Variants in PDCD6 observed in about 807,000 individuals in gnomAD.
The protein encoded by PDCD6 is programmed cell death protein 6.
In PDCD6, 12 loss-of-function variants were observed where a neutral mutation model predicts 28.3. The ratio of observed to expected loss-of-function variants is 0.42; its 90% CI spans 0.27 to 0.69. The LOEUF (loss-of-function observed/expected upper bound fraction) is 0.69. Among genes scored for constraint, PDCD6 ranks in the 30% least tolerant of loss-of-function variants. The pLI, the probability that PDCD6 is intolerant of heterozygous loss-of-function variation, is 0.22. For missense variants in PDCD6, 226 were observed against 269.9 expected, an observed-to-expected ratio of 0.84 and a Z score of 1.14; for synonymous variants, 92 against 108.0, an observed-to-expected ratio of 0.85 and a Z score of 0.92.
intron 2 of PDCD6, among the ~76,000 whole-genome samples, chr5:277,741 C>T (rs1453654948): frequency 2.0e-5 from 3 of 151,842 alleles, no homozygotes; most frequent in Non-Finnish European, 4.4e-5. Context: ...CATGGTGAAA[C>T]CCTATCTCTA....
At chr5:301,408 C>A (rs1483154639) in intron 2 of PDCD6, among the ~76,000 whole-genome samples, 1 of 152,206 alleles carries the variant, frequency 6.6e-6, no homozygotes, top group Non-Finnish European at 1.5e-5. Flanking sequence ...CTTTCTTTGC[C>A]TTGTGGGTTT....
chr5:289,746 C>T (rs1480106639), intron 2 of PDCD6: 21 of 888,508 alleles, frequency 2.4e-5, no homozygotes, highest in African/African-American at 1.1e-4. Context: ...TGCTGTCAGG[C>T]GACCCATTTG....
At chr5:273,703 TG>T (rs1737992578) in intron 2 of PDCD6, among the ~76,000 whole-genome samples, 1 of 152,078 alleles carries the variant, frequency 6.6e-6, no homozygotes, top group South Asian at 2.1e-4. Context: ...GGGGGGGTGC[TG>T]GATTCAGCCT....
At chr5:312,264 C>T (rs988371213) in intron 5 of PDCD6, 3 of 152,118 alleles carry the variant, frequency 2.0e-5, no homozygotes, top group African/African-American at 4.8e-5. Flanking sequence ...TCAGGGGACC[C>T]GCCTGGGAGC....
chr5:314,704 G>T lies in PDCD6; in HGVS notation c.*189G>T, dbSNP rs759980982. 2.5e-4 allele frequency: 167 copies of T among 676,986 alleles called. No homozygotes were observed. The highest frequency in any genetic ancestry group is 4.7e-4 in the Middle Eastern group (2 of 4,256). The allele number at this position is 676,986 out of a possible 1,614,324, so 41.9% of individuals were successfully genotyped here. ...TTGCAACTGTAATAGTAGCTGTATC[G>T]TTCTAATGCAGACATTGGATTTGGT... On this transcript the variant is annotated 3_prime_UTR_variant, in exon 6 of 6. Transcript: ENST00000264933.
chr5:279,414 G>T (rs1328583603), intron 2 of PDCD6, among the ~76,000 whole-genome samples: 1 of 151,956 alleles, frequency 6.6e-6, no homozygotes, highest in African/African-American at 2.4e-5. Flanking sequence ...AGGGAACGGC[G>T]GCTCTGGCTG....
chr5:314,250 G>A (rs951571677), intron 5 of PDCD6, among the ~76,000 whole-genome samples, 167 bp from the exon 6 acceptor site: 12 of 152,170 alleles, frequency 7.9e-5, no homozygotes, highest in African/African-American at 1.2e-4. Flanking sequence ...CACTCCCACC[G>A]TCCGTGTGAA....
intron 2 of PDCD6, among the ~76,000 whole-genome samples, chr5:273,966 G>A (rs28736753): frequency 0.24 from 35,146 of 146,728 alleles, 6,473 homozygotes; most frequent in African/African-American, 0.52. Context: ...ATCTCAGTTC[G>A]TTTTTACTCG....
intron 2 of PDCD6, among the ~76,000 whole-genome samples, chr5:274,788 G>A (rs574301107): frequency 3.7e-4 from 56 of 152,294 alleles, no homozygotes; most frequent in East Asian, 3.7e-3. Context: ...ACCAGAGGGA[G>A]TTAGTCCTGC....
At chr5:273,501 T>C (rs914944731) in intron 2 of PDCD6, 1 of 152,632 alleles carries the variant, frequency 6.6e-6, no homozygotes, top group African/African-American at 2.4e-5. Flanking sequence ...GCAGTCATCT[T>C]TTCTGATTCT....
intron 2 of PDCD6, among the ~76,000 whole-genome samples, chr5:295,214 T>TA (rs376736858): frequency 0.14 from 16,604 of 116,090 alleles, 2,900 homozygotes; most frequent in African/African-American, 0.45. Context: ...ACTCTTAAAA[T>TA]AAAAAAACCA....
intron 2 of PDCD6, among the ~76,000 whole-genome samples, chr5:273,643 G>A (rs1418929048): frequency 1.3e-5 from 2 of 152,220 alleles, no homozygotes; most frequent in African/African-American, 4.8e-5. Context: ...ACTGAACTGG[G>A]GCGCGGGGAG....
At chr5:273,648 G>A (rs567428340) in intron 2 of PDCD6, among the ~76,000 whole-genome samples, 2 of 152,166 alleles carry the variant, frequency 1.3e-5, no homozygotes, top group Non-Finnish European at 2.9e-5. Context: ...ACTGGGGCGC[G>A]GGGAGCACTA....
Position 302,395 on chromosome 5 carries a change from C to CTGTGTGTGTG in PDCD6, c.164-1775_164-1774insGTGTGTGTGT, listed in dbSNP as rs1561046930. 4.7e-4 allele frequency among the ~76,000 whole-genome samples: 36 copies of CTGTGTGTGTG among 76,210 alleles called. 3 individuals are homozygous for CTGTGTGTGTG. Among genetic ancestry groups the CTGTGTGTGTG allele is most frequent in the African/African-American group, 3.0e-3 (25 of 8,432 alleles). 50.0% of individuals were successfully genotyped at this position (76,210 alleles called of 152,430 possible). ...GGAGGGTGGGTCGTGGAGTGCTGCT[C>CTGTGTGTGTG]TGTGTGTATGCCTCAGGTTCAGGTG... On this transcript the variant is annotated intron_variant, in intron 2 of 5. Transcript: ENST00000264933.
chr5:293,217 C>T (rs1194156617), intron 2 of PDCD6, among the ~76,000 whole-genome samples: 2 of 152,212 alleles, frequency 1.3e-5, no homozygotes, highest in Non-Finnish European at 2.9e-5. Context: ...CCCTGAAACT[C>T]ACAGGAAGAC....
At chr5:303,500 G>A (rs772817946) in intron 2 of PDCD6, among the ~76,000 whole-genome samples, 22 of 151,886 alleles carry the variant, frequency 1.4e-4, no homozygotes, top group East Asian at 5.8e-4. Flanking sequence ...GGTTGTGAGC[G>A]CTCAAGGGTA....
chr5:282,935 G>A (rs1738684387), intron 2 of PDCD6, among the ~76,000 whole-genome samples: 1 of 152,052 alleles, frequency 6.6e-6, no homozygotes, highest in East Asian at 1.9e-4. Flanking sequence ...CAGAAGACTC[G>A]GGGAGGAGCT....
chr5:275,557 A>G (rs1000064262), intron 2 of PDCD6, among the ~76,000 whole-genome samples: 1 of 152,262 alleles, frequency 6.6e-6, no homozygotes. Context: ...TTAGAGTAGA[A>G]GTAAACTTTA....
At chr5:314,389 G>A (rs754589073) in intron 5 of PDCD6, 28 bp from the exon 6 acceptor site, 49 of 1,536,122 alleles carry the variant, frequency 3.2e-5, no homozygotes, top group Admixed American at 5.0e-5. Context: ...ATTTACTATC[G>A]AGATTTAAAT....
Sources: gnomAD v4.1 joint callset for allele counts (sites outside exome capture counted in the v4.1 genomes callset) on GRCh38, gnomAD v4.1.1 for gene constraint, MANE v1.5 for transcripts, NCBI Gene and HGNC (gene_info 2026-07-23, HGNC 2026-07-21) for gene names.